CKB: variants seen among roughly 807,000 people sequenced by gnomAD.
The protein encoded by CKB is creatine kinase B.
CKB carries 15 observed loss-of-function variants against 36.9 expected under a neutral mutation model. That is an observed-to-expected ratio of 0.41 (90% CI 0.27 to 0.63). CKB has a LOEUF of 0.63. CKB is among the 20% of genes least tolerant of loss of function. The pLI is 0.34. For synonymous variants in CKB, 250 were observed against 228.2 expected, an observed-to-expected ratio of 1.10 and a Z score of -0.86; for missense variants, 413 against 534.9, an observed-to-expected ratio of 0.77 and a Z score of 2.25.
At chr14:103,521,600 G>A in intron 4 of CKB, 166 bp from the exon 5 acceptor site, 1 of 919,256 alleles carries the variant, frequency 1.1e-6, no homozygotes, top group South Asian at 2.7e-5. Flanking sequence ...CCCAGGCGGT[G>A]ACCCCGCGCC....
At position 103,521,954 on chromosome 14, in the gene CKB, G is replaced by A. The variant is rs10129401; in HGVS notation, c.349-4C>T. The A allele has an allele frequency of 1.3e-6, 2 of 1,571,234 alleles. No individual in the cohort carries two copies. Among genetic ancestry groups the A allele is most frequent in the African/African-American group, 1.3e-5 (1 of 74,236 alleles). Reference sequence around the variant, plus strand: ...TGGGGTCCAGGTCGTCGCCGCCCTGGGAGGCGAGACGGGAGTGAGCGCCCG... The same window carrying A: ...TGGGGTCCAGGTCGTCGCCGCCCTGAGAGGCGAGACGGGAGTGAGCGCCCG... On this transcript the variant is annotated splice_region_variant and splice_polypyrimidine_tract_variant and intron_variant, in intron 3 of 7. Transcript: ENST00000348956.
Position 103,522,632 on chromosome 14 carries a change from G to T in CKB, c.-12-127C>A. On this transcript the variant is annotated intron_variant, in intron 1 of 7. Coordinates refer to ENST00000348956, the MANE Select transcript of CKB (RefSeq NM_001823.5). The surrounding 1 kb of genome is among the most constrained non-coding windows in gnomAD (Gnocchi z 6.7). ...GACGCGGCCAAGGTCAGCGGGGTCC[G>T]CAGCGCGCGCGGGGAGCGCCATCAT... 2 of 508,104 alleles carry T rather than the reference G, an allele frequency of 3.9e-6. No homozygotes were observed. Among genetic ancestry groups the T allele is most frequent in the Non-Finnish European group, 5.7e-6 (2 of 351,604 alleles). The allele number at this position is 508,104 out of a possible 1,614,324, so 31.5% of individuals were successfully genotyped here.
chr14:103,522,287 G>A lies in CKB; in HGVS notation c.193+14C>T, dbSNP rs764004535. On this transcript the variant is annotated intron_variant, in intron 2 of 7. Coordinates refer to ENST00000348956, the MANE Select transcript of CKB (RefSeq NM_001823.5). The surrounding 1 kb of genome is among the most constrained non-coding windows in gnomAD (Gnocchi z 6.7). ...GAGGGGGGGCCGGGACCCCGGCCCC[G>A]AGGGGTCGCGTACCCGGGTTGTCCA... is the stretch of plus-strand genomic sequence containing the variant. 21 of 1,597,610 alleles carry A rather than the reference G, an allele frequency of 1.3e-5. No homozygotes were observed. The highest frequency in any genetic ancestry group is 2.3e-5 in the East Asian group (1 of 44,306).
At position 103,522,225 on chromosome 14, in the gene CKB, C is replaced by G. The variant is rs752294032; in HGVS notation, c.194-48G>C. The G allele has an allele frequency of 8.3e-5, 131 of 1,574,940 alleles. 1 individual carries two copies. The East Asian group carries it at 1.9e-3, about 23-fold the overall frequency. ...GGGACAGTGACGTCACTGCCGGGCC[C>G]GAGCGCGCTGCTGAGGACCCTGCGG... On this transcript the variant is annotated intron_variant, in intron 2 of 7. Coordinates refer to ENST00000348956, the MANE Select transcript of CKB (RefSeq NM_001823.5). The surrounding 1 kb of genome is among the most constrained non-coding windows in gnomAD (Gnocchi z 6.7).
rs775905075 is a variant in CKB at position 103,520,481 on chromosome 14, G to T, written c.765C>A (p.Thr255=). Residue 255 remains threonine (T), a synonymous_variant, in exon 6 of 8, where the codon ACC becomes ACA. Coordinates refer to ENST00000348956, the MANE Select transcript of CKB (RefSeq NM_001823.5). Reference sequence around the variant, plus strand: ...CCGTCCCTGGCACCTGGGTGAGGCCGGTGCAGAAGCGGGTGAACACCTCCT... The same window carrying T: ...CCGTCCCTGGCACCTGGGTGAGGCCTGTGCAGAAGCGGGTGAACACCTCCT... ...NMKEVFTRFC[T]GLTQIETLFK... is the part of the protein sequence containing the mutation. 1 of 1,602,016 alleles carries T rather than the reference G, an allele frequency of 6.2e-7. No individual in the cohort carries two copies. The highest frequency in any genetic ancestry group is 2.3e-5 in the East Asian group (1 of 44,402).
chr14:103,521,122 G>C (rs1159159797), intron 5 of CKB, 141 bp downstream of exon 5: 2 of 1,074,640 alleles, frequency 1.9e-6, no homozygotes, highest in Non-Finnish European at 2.7e-6. Flanking sequence ...ACGGAACCCA[G>C]ACCCGGAGCG....
chr14:103,520,171 C>G lies in CKB; in HGVS notation c.918G>C (p.Glu306Asp), dbSNP rs759106818. 1.2e-6 allele frequency: 2 copies of G among 1,611,642 alleles called. No homozygotes were observed. The highest frequency in any genetic ancestry group is 1.7e-6 in the Non-Finnish European group (2 of 1,178,936). The change falls in exon 7 of 8, where the codon GAG (glutamate) becomes GAC (aspartate). Residue 306 changes from glutamate (E) to aspartate (D), a missense_variant. Transcript: ENST00000348956. ...GCCGCTTAAGCACCTCCGAGAACTT[C>G]TCATGCTTGCCCAGGTTGGGCAGCT... ...HIKLPNLGKH[E>D]KFSEVLKRLR... is the part of the protein sequence containing the mutation.
Position 103,521,913 on chromosome 14 carries a change from G to A in CKB, c.386C>T (p.Ser129Leu). Residue 129 changes from serine (S) to leucine (L), a missense_variant, in exon 4 of 8, where the codon TCG becomes TTG. Transcript: ENST00000348956. ...GATGCTGCGGCCCGTGCGCACCCGC[G>A]AGCTCAGCACGTAGTTGGGGTCCAG... ...DDLDPNYVLS[S>L]RVRTGRSIRG... is the part of the protein sequence containing the mutation. 1 of 1,579,390 alleles carries A rather than the reference G, an allele frequency of 6.3e-7. No individual in the cohort carries two copies. The highest frequency in any genetic ancestry group is 8.5e-7 in the Non-Finnish European group (1 of 1,171,294).
In CKB at chr14:103,522,477, C is replaced by T. The variant is rs146055152; in HGVS notation, c.17G>A (p.Ser6Asn). The T allele has an allele frequency of 1.3e-6, 2 of 1,597,404 alleles. No homozygotes were observed. The highest frequency in any genetic ancestry group is 8.5e-7 in the Non-Finnish European group (1 of 1,172,410). ...GAAGCGCAGCTTCAGTGCGTTGTGGCTGTTGGAGAAGGGCATGGCGGCGGC... is the reference window on the plus strand; with the variant it reads ...GAAGCGCAGCTTCAGTGCGTTGTGGTTGTTGGAGAAGGGCATGGCGGCGGC... MPFSN[S>N]HNALKLRFPA... The change falls in exon 2 of 8, where the codon AGC becomes AAC. Residue 6 changes from serine to asparagine, a missense_variant. Transcript: ENST00000348956. This position sits in a 1 kb window ranked among gnomAD's most constrained non-coding sequence, Gnocchi z 6.7.
Position 103,522,563 on chromosome 14 carries a change from G to C in CKB, c.-12-58C>G. 2.7e-6 allele frequency: 2 copies of C among 749,790 alleles called. No individual in the cohort carries two copies. The highest frequency in any genetic ancestry group is 3.7e-6 in the Non-Finnish European group (2 of 542,328). 46.4% of individuals were successfully genotyped at this position (749,790 alleles called of 1,614,324 possible). ...CACGCCGGGGTTCCCGGGCTCCCGC[G>C]TACCACTCAGGCCCCCGCCGCCGGG... is the stretch of plus-strand genomic sequence containing the variant. On this transcript the variant is annotated intron_variant, in intron 1 of 7. Transcript: ENST00000348956. This position sits in a 1 kb window ranked among gnomAD's most constrained non-coding sequence, Gnocchi z 6.7.
intron 5 of CKB, chr14:103,520,829 C>CAG: frequency 1.8e-6 from 1 of 563,642 alleles, no homozygotes; most frequent in Non-Finnish European, 3.1e-6. Context: ...CAGGGACCGC[C>CAG]AGGACAGCCC....
rs1428964335 is a variant in CKB at position 103,519,898 on chromosome 14, T to C, written c.1112A>G (p.Gln371Arg). The change falls in exon 8 of 8, where the codon CAG becomes CGG. Residue 371 changes from glutamine (Q) to arginine (R), a missense_variant. This residue lies in a region of CKB where 314 missense variants were observed against 409.4 expected (regional missense o/e 0.77). Transcript: ENST00000348956. ...GGCAGGCATGAGGTCGTCGATGGCC[T>C]GGCCCTGCTCCAGCCGCTGCTCCAT... ...IEMEQRLEQGQAIDDLMPAQK is the reference protein window; with the variant it reads ...IEMEQRLEQGRAIDDLMPAQK 6.2e-7 allele frequency: 1 copy of C among 1,607,550 alleles called. No homozygotes were observed. The highest frequency in any genetic ancestry group is 8.5e-7 in the Non-Finnish European group (1 of 1,179,936).
In CKB at chr14:103,519,810, G is replaced by C; in HGVS notation, c.*54C>G. 6.5e-7 allele frequency: 1 copy of C among 1,549,610 alleles called. No homozygotes were observed. Among genetic ancestry groups the C allele is most frequent in the Non-Finnish European group, 8.7e-7 (1 of 1,151,932 alleles). On this transcript the variant is annotated 3_prime_UTR_variant, in exon 8 of 8. Transcript: ENST00000348956. ...ACATCAGGGGTGCATGGTGGGCACT[G>C]CCCAGGCAATAAGTTAGGAAGCAGC...
chr14:103,521,018 G>T, intron 5 of CKB: 1 of 629,346 alleles, frequency 1.6e-6, no homozygotes, highest in Non-Finnish European at 2.9e-6. Flanking sequence ...TCGGGGTGGG[G>T]AGGTGTTGCT....
chr14:103,521,564 C>A, intron 4 of CKB, 130 bp from the exon 5 acceptor site: 1 of 996,014 alleles, frequency 1.0e-6, no homozygotes. Flanking sequence ...CTGCGGGCGT[C>A]CAGTCCTCAC....
intron 3 of CKB, 26 bp downstream of exon 3, chr14:103,521,997 C>T (rs2075905067): frequency 6.5e-7 from 1 of 1,542,302 alleles, no homozygotes; most frequent in Non-Finnish European, 8.7e-7. Flanking sequence ...CGGCCCCGCC[C>T]GCCCGGCCCG....
At position 103,522,439 on chromosome 14, in the gene CKB, C is replaced by G. The variant is rs757601698; in HGVS notation, c.55G>C (p.Glu19Gln). 5.3e-5 allele frequency: 86 copies of G among 1,609,810 alleles called. No homozygotes were observed. In the South Asian group the frequency reaches 9.0e-4, roughly 17 times the overall value. Residue 19 changes from glutamate to glutamine, a missense_variant, in exon 2 of 8, where the codon GAG becomes CAG. Transcript: ENST00000348956. This position sits in a 1 kb window ranked among gnomAD's most constrained non-coding sequence, Gnocchi z 6.7. ...TTGTGGGCGCTCAGGTCGGGGAACT[C>G]GTCCTCGGCCGGGAAGCGCAGCTTC... is the stretch of plus-strand genomic sequence containing the variant. Reference protein sequence around the residue: ...ALKLRFPAEDEFPDLSAHNNH... With the variant: ...ALKLRFPAEDQFPDLSAHNNH...
rs926250979 is a variant in CKB, at chr14:103,522,470, G to C, written c.24C>G (p.Asn8Lys). 1 of 1,606,520 alleles carries C rather than the reference G, an allele frequency of 6.2e-7. No homozygotes were observed. Among genetic ancestry groups the C allele is most frequent in the Non-Finnish European group, 8.5e-7 (1 of 1,177,834 alleles). The stretch of plus-strand genomic sequence containing the variant: ...CGGCCGGGAAGCGCAGCTTCAGTGC[G>C]TTGTGGCTGTTGGAGAAGGGCATGG... MPFSNSH[N>K]ALKLRFPAED... The change falls in exon 2 of 8, where the codon AAC becomes AAG. Residue 8 changes from asparagine (N) to lysine (K), a missense_variant. Transcript: ENST00000348956. This position sits in a 1 kb window ranked among gnomAD's most constrained non-coding sequence, Gnocchi z 6.7.
intron 5 of CKB, 155 bp downstream of exon 5, chr14:103,521,108 C>T: frequency 1.1e-6 from 1 of 937,338 alleles, no homozygotes; most frequent in Non-Finnish European, 1.7e-6. Flanking sequence ...GGAGGAGGCG[C>T]GGCACGGAAC....
Sources: gnomAD v4.1 joint callset for allele counts on GRCh38, gnomAD v4.1.1 for gene constraint, gnomAD v4.1.1 regional missense constraint, Gnocchi (gnomAD v3.1) non-coding constraint, MANE v1.5 for transcripts, NCBI Gene and HGNC (gene_info 2026-07-23, HGNC 2026-07-21) for gene names.